Variants in CFAP20DC observed in about 807,000 individuals in gnomAD.
CFAP20DC encodes protein CFAP20DC.
In CFAP20DC, 84 loss-of-function variants were observed where a neutral mutation model predicts 101.7. That is an observed-to-expected ratio of 0.83 (90% CI 0.69 to 0.99). The LOEUF (loss-of-function observed/expected upper bound fraction) is 0.99. CFAP20DC is among the 50% of genes least tolerant of loss of function. The pLI, the probability that CFAP20DC is intolerant of heterozygous loss-of-function variation, is 0.00. For missense variants in CFAP20DC, 1,007 were observed against 970.3 expected, an observed-to-expected ratio of 1.04 and a Z score of -0.50; for synonymous variants, 359 against 351.2, an observed-to-expected ratio of 1.02 and a Z score of -0.25.
intron 15 of CFAP20DC, among the ~76,000 whole-genome samples, chr3:58,755,035 A>G (rs1449843966): frequency 1.3e-5 from 2 of 152,200 alleles, no homozygotes; most frequent in Non-Finnish European, 2.9e-5. Flanking sequence ...GTAGAAATGG[A>G]CTTTGTTGGA....
At chr3:58,978,699 G>C (rs1251255419) in intron 4 of CFAP20DC, among the ~76,000 whole-genome samples, 1 of 138,600 alleles carries the variant, frequency 7.2e-6, no homozygotes, top group African/African-American at 2.8e-5. Flanking sequence ...ACAAGAGAGA[G>C]ACTATCTCCC....
Position 58,763,517 on chromosome 3 carries a change from T to C in CFAP20DC, c.2238-9654A>G, listed in dbSNP as rs569048067. Among the ~76,000 whole-genome samples, 3 of 152,108 alleles carry C rather than the reference T, an allele frequency of 2.0e-5. No individual in the cohort carries two copies. The South Asian group carries it at 6.2e-4, about 32-fold the overall frequency. On this transcript the variant is annotated intron_variant, in intron 15 of 16. Coordinates refer to ENST00000482387, the MANE Select transcript of CFAP20DC (RefSeq NM_001394063.1). ...TTTAGCTCAGAGTAGTTTGATTGTC[T>C]GAAGCCTTCTTTTCTCAACTCGTCA...
At chr3:58,812,611 C>T (rs550036832) in intron 14 of CFAP20DC, among the ~76,000 whole-genome samples, 16 of 151,538 alleles carry the variant, frequency 1.1e-4, no homozygotes, top group East Asian at 3.9e-4. Context: ...TGCTAAATGA[C>T]GAGTTAATGG....
chr3:58,905,278 A>G (rs779420110), intron 6 of CFAP20DC, among the ~76,000 whole-genome samples: 2 of 152,088 alleles, frequency 1.3e-5, no homozygotes, highest in East Asian at 3.9e-4. Context: ...ATCTACACAG[A>G]TATTATCATT....
intron 12 of CFAP20DC, among the ~76,000 whole-genome samples, chr3:58,853,320 T>G (rs1252095712): frequency 2.6e-5 from 4 of 152,226 alleles, no homozygotes; most frequent in South Asian, 4.2e-4. Flanking sequence ...AATAACAGGC[T>G]CTGAAATTGT....
chr3:58,800,278 G>A (rs2107688271), intron 15 of CFAP20DC, among the ~76,000 whole-genome samples: 1 of 152,340 alleles, frequency 6.6e-6, no homozygotes, highest in South Asian at 2.1e-4. Context: ...TTGCCCAGGT[G>A]AGAGGTGATG....
intron 14 of CFAP20DC, among the ~76,000 whole-genome samples, chr3:58,809,562 G>A (rs1300806736): frequency 1.3e-5 from 2 of 151,882 alleles, no homozygotes; most frequent in Admixed American, 1.3e-4. Flanking sequence ...AGTGTGTAGA[G>A]GGAAATTTAT....
Position 58,861,819 on chromosome 3 carries a change from C to T in CFAP20DC, c.1593+1739G>A, listed in dbSNP as rs2079275770. 1.0e-6 allele frequency: 1 copy of T among 985,264 alleles called. No homozygotes were observed. Among genetic ancestry groups the T allele is most frequent in the South Asian group, 4.7e-5 (1 of 21,288 alleles). The allele number at this position is 985,264 out of a possible 1,614,324, so 61.0% of individuals were successfully genotyped here. On this transcript the variant is annotated intron_variant, in intron 12 of 16. Coordinates refer to ENST00000482387, the MANE Select transcript of CFAP20DC (RefSeq NM_001394063.1). This position sits in a 1 kb window ranked among gnomAD's most constrained non-coding sequence, Gnocchi z 4.0. ...GTATGCTACTGGTCACCTTGATGGG[C>T]ATGGCACAGGGGTGACCAGATAGCC...
rs941620154 is a variant in CFAP20DC, at chr3:58,936,488, G to A, written c.393+1160C>T. Among the ~76,000 whole-genome samples the A allele has an allele frequency of 1.7e-3, 258 of 152,128 alleles. 2 individuals are homozygous for A. The highest frequency in any genetic ancestry group is 2.0e-3 in the Non-Finnish European group (136 of 68,002). ...ACACATGCACACGTATGTTTATTGC[G>A]GCACTATTCACAATAGCAAAGACTT... On this transcript the variant is annotated intron_variant, in intron 5 of 16. Transcript: ENST00000482387.
At chr3:59,020,126 T>C (rs2093773720) in intron 4 of CFAP20DC, among the ~76,000 whole-genome samples, 1 of 152,102 alleles carries the variant, frequency 6.6e-6, no homozygotes, top group Admixed American at 6.6e-5. Context: ...TATAGGTATT[T>C]ATGCTAACAT....
downstream of CFAP20DC, among the ~76,000 whole-genome samples, chr3:58,738,869 T>A (rs2067817381): frequency 6.6e-6 from 1 of 152,170 alleles, no homozygotes; most frequent in African/African-American, 2.4e-5. This position sits in a 1 kb window ranked among gnomAD's most constrained non-coding sequence, Gnocchi z 4.4. Context: ...ATTCCACAGT[T>A]TTTAAAAAAG....
At chr3:58,820,529 A>C (rs1484610651) in intron 14 of CFAP20DC, among the ~76,000 whole-genome samples, 1 of 150,912 alleles carries the variant, frequency 6.6e-6, no homozygotes, top group East Asian at 1.9e-4. Context: ...ATCATGAGTG[A>C]ACTCCCATTC....
chr3:58,940,989 T>C (rs2088476651), intron 4 of CFAP20DC, among the ~76,000 whole-genome samples: 1 of 152,176 alleles, frequency 6.6e-6, no homozygotes, highest in Non-Finnish European at 1.5e-5. Flanking sequence ...GTTAAATTTA[T>C]TCCTAAGTAT....
intron 4 of CFAP20DC, among the ~76,000 whole-genome samples, chr3:58,989,768 G>A (rs35145800): frequency 0.041 from 6,282 of 152,106 alleles, 175 homozygotes; most frequent in Middle Eastern, 0.085. Context: ...ATATTCTGAC[G>A]AAGAAAATTT....
chr3:58,990,747 C>G (rs950870693), intron 4 of CFAP20DC, among the ~76,000 whole-genome samples: 2 of 136,552 alleles, frequency 1.5e-5, no homozygotes, highest in African/African-American at 6.8e-5. Context: ...ATTTAGGATG[C>G]TCAGCTGGTG....
At chr3:59,019,119 C>T (rs1012570546) in intron 4 of CFAP20DC, 7 of 152,100 alleles carry the variant, frequency 4.6e-5, no homozygotes, top group African/African-American at 1.7e-4. Flanking sequence ...GATTGCATGA[C>T]CCTATAACTT....
At chr3:58,845,795 C>G (rs1575884336) in intron 13 of CFAP20DC, among the ~76,000 whole-genome samples, 2 of 150,332 alleles carry the variant, frequency 1.3e-5, no homozygotes. Context: ...TCCAGCAGCA[C>G]ATCAAAAAGC....
chr3:58,839,818 T>G (rs1329276862), intron 13 of CFAP20DC, among the ~76,000 whole-genome samples: 1 of 152,212 alleles, frequency 6.6e-6, no homozygotes, highest in Non-Finnish European at 1.5e-5. Context: ...GCGCACTGTT[T>G]GCATACAAAG....
intron 6 of CFAP20DC, among the ~76,000 whole-genome samples, chr3:58,911,644 T>C (rs1436546827): frequency 6.6e-6 from 1 of 152,154 alleles, no homozygotes. Context: ...TAAATGTTTA[T>C]TGAAGTAAAA....
Sources: allele counts gnomAD v4.1 joint callset (sites outside exome capture counted in the v4.1 genomes callset), GRCh38; gene constraint gnomAD v4.1.1; non-coding constraint Gnocchi (gnomAD v3.1); transcripts MANE v1.5; gene names NCBI Gene and HGNC (gene_info 2026-07-23, HGNC 2026-07-21).